The following SLC4A10 variants were observed in gnomAD, a reference collection of about 807,000 sequenced individuals.
SLC4A10 encodes the protein sodium-driven chloride bicarbonate exchanger.
Under a neutral mutation model 137.7 loss-of-function variants are expected in SLC4A10, and 42 were observed. That is an observed-to-expected ratio of 0.30 (90% CI 0.24 to 0.39). The LOEUF is 0.39. SLC4A10 is among the 10% of genes least tolerant of loss of function. SLC4A10 has a pLI of 1.00. For missense variants in SLC4A10, 925 were observed against 1,355.0 expected, an observed-to-expected ratio of 0.68 and a Z score of 4.98; for synonymous variants, 474 against 464.1, an observed-to-expected ratio of 1.02 and a Z score of -0.27.
rs146013199 is a variant in SLC4A10, at chr2:161,634,885, A to G, written c.48+10319A>G. Among the ~76,000 whole-genome samples, 10 of 152,116 alleles carry G rather than the reference A, an allele frequency of 6.6e-5. No homozygotes were observed. The East Asian group carries it at 1.9e-3, about 29-fold the overall frequency. Reference sequence around the variant, plus strand: ...CTTCTCCCTACCTTCCCCAGCCTCTAGTAACCACTATTCTATTCTCTACTT... The same window carrying G: ...CTTCTCCCTACCTTCCCCAGCCTCTGGTAACCACTATTCTATTCTCTACTT... On this transcript the variant is annotated intron_variant, in intron 1 of 26. Transcript: ENST00000446997.
chr2:161,646,024 G>A (rs901081327), intron 1 of SLC4A10, among the ~76,000 whole-genome samples: 9 of 151,992 alleles, frequency 5.9e-5, no homozygotes, highest in African/African-American at 1.7e-4. Flanking sequence ...AAAAAAGTTT[G>A]ACAGAAGCTT....
intron 1 of SLC4A10, among the ~76,000 whole-genome samples, chr2:161,695,058 TGTA>T (rs1236636214): frequency 6.6e-6 from 1 of 152,090 alleles, no homozygotes; most frequent in Non-Finnish European, 1.5e-5. Flanking sequence ...GTAAATATGA[TGTA>T]GTAATTACTT....
At chr2:161,884,296 A>T (rs1388137736) in intron 10 of SLC4A10, among the ~76,000 whole-genome samples, 1 of 152,180 alleles carries the variant, frequency 6.6e-6, no homozygotes, top group Non-Finnish European at 1.5e-5. Flanking sequence ...GGGGCATGAG[A>T]CACGTGATAA....
intron 20 of SLC4A10, among the ~76,000 whole-genome samples, 165 bp downstream of exon 20, chr2:161,957,405 G>GA (rs1253500598): frequency 6.6e-6 from 1 of 152,100 alleles, no homozygotes; most frequent in Non-Finnish European, 1.5e-5. Flanking sequence ...CTAAGGGAGG[G>GA]AAATTACGTC....
intron 12 of SLC4A10, chr2:161,901,955 A>T: frequency 2.3e-6 from 1 of 426,132 alleles, no homozygotes; most frequent in South Asian, 1.7e-5. Context: ...TCTCTTTCTC[A>T]GGTGTAACAT....
intron 14 of SLC4A10, 59 bp from the exon 15 acceptor site, chr2:161,905,583 A>G: frequency 6.6e-7 from 1 of 1,524,808 alleles, no homozygotes; most frequent in Non-Finnish European, 8.8e-7. Context: ...TTTGCTTAAA[A>G]TGATAGCAAG....
intron 3 of SLC4A10, 124 bp from the exon 4 acceptor site, chr2:161,839,665 C>T (rs1449868635): frequency 8.3e-6 from 8 of 962,388 alleles, no homozygotes; most frequent in African/African-American, 1.6e-5. Context: ...CAGTGGGGAG[C>T]AGGGGAGGTG....
intron 1 of SLC4A10, among the ~76,000 whole-genome samples, chr2:161,666,057 G>T (rs2039007638): frequency 6.6e-6 from 1 of 150,484 alleles, no homozygotes; most frequent in African/African-American, 2.4e-5. Context: ...ACCTATAAGT[G>T]AACATATATA....
At chr2:161,908,344 C>A (rs916327498) in intron 15 of SLC4A10, among the ~76,000 whole-genome samples, 2 of 148,112 alleles carry the variant, frequency 1.4e-5, no homozygotes, top group Non-Finnish European at 3.0e-5. Flanking sequence ...GGACAAAAAA[C>A]CAAACACCGC....
chr2:161,752,855 G>C (rs1559170494), intron 1 of SLC4A10, among the ~76,000 whole-genome samples: 1 of 152,018 alleles, frequency 6.6e-6, no homozygotes, highest in Non-Finnish European at 1.5e-5. Flanking sequence ...CATGGTGACT[G>C]TACTTAATAA....
At chr2:161,835,583 A>G (rs2058716223) in intron 3 of SLC4A10, among the ~76,000 whole-genome samples, 1 of 152,228 alleles carries the variant, frequency 6.6e-6, no homozygotes, top group Admixed American at 6.5e-5. Flanking sequence ...TATCCCTACA[A>G]TGGTAATCAT....
chr2:161,764,937 T>G (rs763871639), intron 1 of SLC4A10, among the ~76,000 whole-genome samples: 1 of 152,156 alleles, frequency 6.6e-6, no homozygotes, highest in Non-Finnish European at 1.5e-5. Flanking sequence ...GAATTATAGT[T>G]TGTTCATTTG....
At chr2:161,790,218 A>G (rs1198358735) in intron 2 of SLC4A10, among the ~76,000 whole-genome samples, 1 of 152,202 alleles carries the variant, frequency 6.6e-6, no homozygotes, top group Admixed American at 6.5e-5. Context: ...CAAAAGTTTG[A>G]AAGTTTTATA....
At chr2:161,888,981 G>A (rs929013051) in intron 10 of SLC4A10, among the ~76,000 whole-genome samples, 6 of 152,184 alleles carry the variant, frequency 3.9e-5, no homozygotes, top group African/African-American at 1.4e-4. Context: ...TTTATTGAGA[G>A]TTTTTAGCAG....
At chr2:161,843,483 G>A (rs2059313388) in intron 4 of SLC4A10, among the ~76,000 whole-genome samples, 3 of 152,070 alleles carry the variant, frequency 2.0e-5, no homozygotes, top group African/African-American at 7.2e-5. Flanking sequence ...TGAGCTTCAG[G>A]GAGACATCTG....
chr2:161,876,546 G>C (rs2061459272), intron 8 of SLC4A10, among the ~76,000 whole-genome samples: 1 of 151,966 alleles, frequency 6.6e-6, no homozygotes, highest in African/African-American at 2.4e-5. Context: ...CAGGCATGGT[G>C]GCGCACCTGT....
intron 6 of SLC4A10, among the ~76,000 whole-genome samples, chr2:161,869,287 T>C (rs2060962202): frequency 6.6e-6 from 1 of 151,702 alleles, no homozygotes; most frequent in Non-Finnish European, 1.5e-5. Flanking sequence ...TCTGAATTTA[T>C]TGATTCTTCT....
Position 161,804,527 on chromosome 2 carries a change from A to C in SLC4A10, c.209A>C (p.His70Pro). Residue 70 changes from histidine (H) to proline (P), a missense_variant, in exon 3 of 27, where the codon CAT becomes CCT. Physicochemically the swap from His to Pro is moderately conservative, Grantham distance 77. Around this residue, in one of 11 missense-constraint regions of SLC4A10, gnomAD observed 138 missense variants for 171.3 expected, o/e 0.81. Transcript: ENST00000446997. ...KSHRRHRHRG[H>P]KHRKRDRERD... Reference sequence around the variant, plus strand: ...CATCGACGTCACAGGCATCGTGGTCATAAACACAGAAAGAGAGACAGAGAA... The same window carrying C: ...CATCGACGTCACAGGCATCGTGGTCCTAAACACAGAAAGAGAGACAGAGAA... 6.2e-7 allele frequency: 1 copy of C among 1,613,294 alleles called. No individual in the cohort carries two copies. The highest frequency in any genetic ancestry group is 8.5e-7 in the Non-Finnish European group (1 of 1,179,482).
chr2:161,785,962 A>C (rs1469813966), intron 2 of SLC4A10, among the ~76,000 whole-genome samples: 1 of 151,942 alleles, frequency 6.6e-6, no homozygotes, highest in Non-Finnish European at 1.5e-5. Context: ...GTTTAAGTTC[A>C]GAGTTTCTTT....
Sources: gnomAD v4.1 joint callset for allele counts (sites outside exome capture counted in the v4.1 genomes callset) on GRCh38, gnomAD v4.1.1 for gene constraint, gnomAD v4.1.1 regional missense constraint, MANE v1.5 for transcripts, NCBI Gene and HGNC (gene_info 2026-07-23, HGNC 2026-07-21) for gene names.